HPSE2: variants seen among roughly 807,000 people sequenced by gnomAD.
HPSE2 encodes the protein inactive heparanase-2.
HPSE2 carries 38 observed loss-of-function variants against 60.5 expected under a neutral mutation model. The observed-to-expected ratio is 0.63, with a 90% confidence interval of 0.48 to 0.82. The LOEUF is 0.82. Ranked by LOEUF, HPSE2 falls within the 40% of genes least tolerant of loss-of-function variation. The pLI is 0.00. For synonymous variants in HPSE2, 295 were observed against 293.2 expected, an observed-to-expected ratio of 1.01 and a Z score of -0.06; for missense variants, 713 against 740.4, an observed-to-expected ratio of 0.96 and a Z score of 0.43.
At chr10:98,824,310 C>T (rs1951492860) in intron 3 of HPSE2, among the ~76,000 whole-genome samples, 1 of 152,162 alleles carries the variant, frequency 6.6e-6, no homozygotes, top group African/African-American at 2.4e-5. Flanking sequence ...GATCTATTTT[C>T]TGATCTGAGC....
rs1948585680 is a variant in HPSE2 at position 98,707,857 on chromosome 10, A to T, written c.956+13800T>A. Among the ~76,000 whole-genome samples, 6 of 152,320 alleles carry T rather than the reference A, an allele frequency of 3.9e-5. No homozygotes were observed. The South Asian group carries it at 1.2e-3, about 32-fold the overall frequency. On this transcript the variant is annotated intron_variant, in intron 5 of 11. Coordinates refer to ENST00000370552, the MANE Select transcript of HPSE2 (RefSeq NM_021828.5). ...ACCATTCTAACATTCATCTGGAAGA[A>T]GCCAAGAAAATTTTGAAAAACTGGA...
chr10:99,303,771 C>A, the HPSE2 span, among the ~76,000 whole-genome samples: 1 of 152,168 alleles, frequency 6.6e-6, no homozygotes, highest in Non-Finnish European at 1.5e-5. Flanking sequence ...TAGGAAAAGG[C>A]ACTTTAATTT....
At chr10:98,664,283 C>T (rs900812723) in intron 6 of HPSE2, among the ~76,000 whole-genome samples, 6 of 152,026 alleles carry the variant, frequency 3.9e-5, no homozygotes, top group South Asian at 2.1e-4. Context: ...TTCCACCCAC[C>T]CCCACTGCCC....
chr10:98,482,266 C>G (rs934412870), intron 11 of HPSE2, among the ~76,000 whole-genome samples: 1 of 152,076 alleles, frequency 6.6e-6, no homozygotes, highest in Non-Finnish European at 1.5e-5. Context: ...TCTCAACTAC[C>G]AGGATGTTTG....
At position 98,546,495 on chromosome 10, in the gene HPSE2, C is replaced by T. The variant is rs879369448; in HGVS notation, c.1321-56299G>A. Among the ~76,000 whole-genome samples the T allele has an allele frequency of 7.4e-3, 1,115 of 150,434 alleles. 6 individuals carry two copies. The highest frequency in any genetic ancestry group is 0.02 in the African/African-American group (814 of 40,426). On this transcript the variant is annotated intron_variant, in intron 9 of 11. Coordinates refer to ENST00000370552, the MANE Select transcript of HPSE2 (RefSeq NM_021828.5). Reference sequence around the variant, plus strand: ...AACAGAACAGAGCCCTCAGAAATAACGCCGCATACCTACAACTATCTGATC... The same window carrying T: ...AACAGAACAGAGCCCTCAGAAATAATGCCGCATACCTACAACTATCTGATC...
intron 7 of HPSE2, among the ~76,000 whole-genome samples, chr10:98,629,640 C>T (rs1344947799): frequency 6.6e-6 from 1 of 152,152 alleles, no homozygotes; most frequent in East Asian, 1.9e-4. Flanking sequence ...TAATCTTTTC[C>T]TCTTCTAGTC....
chr10:99,264,488 A>G, the HPSE2 span, among the ~76,000 whole-genome samples: 1 of 152,190 alleles, frequency 6.6e-6, no homozygotes, highest in South Asian at 2.1e-4. Flanking sequence ...CTGCTAAAAA[A>G]AAGGGGGACT....
At chr10:98,957,435 C>T (rs1295179672) in intron 3 of HPSE2, among the ~76,000 whole-genome samples, 1 of 152,114 alleles carries the variant, frequency 6.6e-6, no homozygotes, top group Non-Finnish European at 1.5e-5. Context: ...CAGAGTGCTA[C>T]AGCATGAAGT....
At chr10:98,944,445 A>G (rs995169442) in intron 3 of HPSE2, among the ~76,000 whole-genome samples, 3 of 152,186 alleles carry the variant, frequency 2.0e-5, no homozygotes, top group South Asian at 2.1e-4. Flanking sequence ...TCTTTGCACA[A>G]TGCTAGAGGT....
upstream of HPSE2, chr10:99,235,919 ACCC>A: frequency 1.2e-5 from 7 of 599,884 alleles, no homozygotes; most frequent in South Asian, 1.0e-4. Flanking sequence ...TCCTCCCACC[ACCC>A]CCCCAACACA....
intron 9 of HPSE2, among the ~76,000 whole-genome samples, chr10:98,511,914 A>G (rs1942421494): frequency 6.6e-6 from 1 of 152,188 alleles, no homozygotes; most frequent in South Asian, 2.1e-4. Flanking sequence ...CAAAATGACA[A>G]ATATTTTTCC....
chr10:99,039,800 A>C (rs1289961038), intron 3 of HPSE2, among the ~76,000 whole-genome samples: 2 of 152,100 alleles, frequency 1.3e-5, no homozygotes, highest in Admixed American at 6.6e-5. Flanking sequence ...GGAATCAATC[A>C]GTAGAAAGGG....
chr10:98,527,783 C>T (rs1179017404), intron 9 of HPSE2, among the ~76,000 whole-genome samples: 1 of 152,182 alleles, frequency 6.6e-6, no homozygotes, highest in Non-Finnish European at 1.5e-5. Context: ...ACAAGGCTGG[C>T]ACTCAATAAA....
intron 3 of HPSE2, among the ~76,000 whole-genome samples, chr10:98,797,851 C>CAAAAAACA (rs550741227): frequency 2.7e-5 from 4 of 150,920 alleles, no homozygotes; most frequent in African/African-American, 9.7e-5. Context: ...CTCAAAAAAA[C>CAAAAAACA]AAAAAACAAA....
intron 3 of HPSE2, among the ~76,000 whole-genome samples, chr10:98,899,419 T>C (rs994472146): frequency 1.3e-5 from 2 of 152,194 alleles, no homozygotes; most frequent in Non-Finnish European, 2.9e-5. Flanking sequence ...ATATATCTGA[T>C]AAAGGACTTG....
intron 9 of HPSE2, among the ~76,000 whole-genome samples, chr10:98,509,507 G>A (rs908221111): frequency 6.7e-6 from 1 of 150,234 alleles, no homozygotes; most frequent in African/African-American, 2.4e-5. Context: ...CTTTTTTTTT[G>A]CTTTCTTTTT....
At chr10:98,714,731 A>G (rs1948751936) in intron 5 of HPSE2, among the ~76,000 whole-genome samples, 1 of 151,914 alleles carries the variant, frequency 6.6e-6, no homozygotes, top group Admixed American at 6.6e-5. Flanking sequence ...TGTTAATTAC[A>G]TTTAACATTT....
chr10:99,089,134 TCTG>T (rs796793441), intron 3 of HPSE2, among the ~76,000 whole-genome samples: 9 of 152,344 alleles, frequency 5.9e-5, no homozygotes, highest in African/African-American at 1.9e-4. Context: ...TGCTGTTTAC[TCTG>T]CTGATTATTT....
At chr10:98,725,190 A>C (rs969478802) in intron 4 of HPSE2, among the ~76,000 whole-genome samples, 1 of 152,200 alleles carries the variant, frequency 6.6e-6, no homozygotes, top group African/African-American at 2.4e-5. Context: ...AGTCAATCCT[A>C]AGCCAAAAGA....
Sources: gnomAD v4.1 joint callset for allele counts (sites outside exome capture counted in the v4.1 genomes callset) on GRCh38, gnomAD v4.1.1 for gene constraint, MANE v1.5 for transcripts, NCBI Gene and HGNC (gene_info 2026-07-23, HGNC 2026-07-21) for gene names.